FADS3: variants seen among roughly 807,000 people sequenced by gnomAD.
FADS3 encodes fatty acid desaturase 3, also known as cytochrome b5-related protein.
FADS3 carries 30 observed loss-of-function variants against 60.4 expected under a neutral mutation model. The ratio of observed to expected loss-of-function variants is 0.50; its 90% confidence interval spans 0.37 to 0.67. The LOEUF is 0.67. Ranked by LOEUF, FADS3 falls within the 30% of genes least tolerant of loss-of-function variation. The pLI, the probability that FADS3 is intolerant of heterozygous loss-of-function variation, is 0.00. For synonymous variants in FADS3, 234 were observed against 249.3 expected (o/e 0.94, Z 0.58); for missense variants, 432 against 598.3 (o/e 0.72, Z 2.90).
chr11:61,891,902 G>A (rs1166583221), upstream of FADS3: 1 of 152,296 alleles, frequency 6.6e-6, no homozygotes, highest in Non-Finnish European at 1.5e-5. Context: ...TCGGGAACCG[G>A]AGGCGGAGTC....
Position 61,877,852 on chromosome 11 carries a change from C to A in FADS3, c.809-265G>T, listed in dbSNP as rs1447407987. On this transcript the variant is annotated intron_variant, in intron 6 of 11. Coordinates refer to ENST00000278829, the MANE Select transcript of FADS3 (RefSeq NM_021727.5). The surrounding 1 kb of genome is among the most constrained non-coding windows in gnomAD (Gnocchi z 4.7). Reference sequence around the variant, plus strand: ...GTCCGCCCCAACAACTGCCCAAAGACTCTAGGGCTCCGGACCACTCTAGTG... The same window carrying A: ...GTCCGCCCCAACAACTGCCCAAAGAATCTAGGGCTCCGGACCACTCTAGTG... 5 of 594,960 alleles carry A rather than the reference C, an allele frequency of 8.4e-6. No homozygotes were observed. The African/African-American group carries it at 9.3e-5, about 11-fold the overall frequency. The allele number at this position is 594,960 out of a possible 1,614,324, so 36.9% of individuals were successfully genotyped here.
At chr11:61,879,950 G>A in intron 2 of FADS3, 91 bp downstream of exon 2, 1 of 1,043,668 alleles carries the variant, frequency 9.6e-7, no homozygotes, top group Non-Finnish European at 1.4e-6. Context: ...GAATGCCGAG[G>A]GAGCTGCTCC....
At chr11:61,890,710 A>G (rs1938474592) in intron 1 of FADS3, among the ~76,000 whole-genome samples, 1 of 152,080 alleles carries the variant, frequency 6.6e-6, no homozygotes, top group African/African-American at 2.4e-5. Context: ...TGAGCCCTTT[A>G]CAGAAGCTCT....
At chr11:61,889,517 C>T (rs974706529) in intron 1 of FADS3, among the ~76,000 whole-genome samples, 4 of 152,226 alleles carry the variant, frequency 2.6e-5, no homozygotes, top group Middle Eastern at 3.4e-3. Context: ...CGTGGTGGCG[C>T]GTGCCCGTAA....
intron 1 of FADS3, 54 bp downstream of exon 1, chr11:61,891,115 G>T: frequency 1.4e-6 from 2 of 1,451,958 alleles, no homozygotes; most frequent in South Asian, 2.4e-5. Context: ...TCACGCCCAC[G>T]ACCGAGCTCC....
chr11:61,884,555 C>T (rs1036294161), intron 1 of FADS3, among the ~76,000 whole-genome samples: 1 of 152,172 alleles, frequency 6.6e-6, no homozygotes, highest in Non-Finnish European at 1.5e-5. Flanking sequence ...AGGTGGTGTG[C>T]GGGGGTCCTT....
chr11:61,877,815 A>G lies in FADS3; in HGVS notation c.809-228T>C. On this transcript the variant is annotated intron_variant, in intron 6 of 11. Transcript: ENST00000278829. This position sits in a 1 kb window ranked among gnomAD's most constrained non-coding sequence, Gnocchi z 4.7. ...TCACCGCAAGTCAGGGCCAGACTTGAGTCCTCACTCTGTCCGCCCCAACAA... is the reference window on the plus strand; with the variant it reads ...TCACCGCAAGTCAGGGCCAGACTTGGGTCCTCACTCTGTCCGCCCCAACAA... The G allele has an allele frequency of 1.7e-6, 1 of 600,146 alleles. No individual in the cohort carries two copies. Among genetic ancestry groups the G allele is most frequent in the Non-Finnish European group, 3.0e-6 (1 of 335,894 alleles). The allele number at this position is 600,146 out of a possible 1,614,324, so 37.2% of individuals were successfully genotyped here.
At chr11:61,873,965 A>G (rs565674086) in intron 11 of FADS3, 100 bp from the exon 12 acceptor site, 1 of 752,850 alleles carries the variant, frequency 1.3e-6, no homozygotes, top group African/African-American at 1.8e-5. Context: ...GGAGATCCCC[A>G]TTCCCTGTGG....
intron 1 of FADS3, among the ~76,000 whole-genome samples, chr11:61,888,870 C>G (rs2106695): frequency 6.6e-6 from 1 of 152,156 alleles, no homozygotes; most frequent in African/African-American, 2.4e-5. Context: ...AGAGCTGGCA[C>G]CCGGCCCCAA....
At chr11:61,879,250 G>C in intron 3 of FADS3, 62 bp downstream of exon 3, 1 of 1,417,194 alleles carries the variant, frequency 7.1e-7, no homozygotes, top group Non-Finnish European at 9.7e-7. Flanking sequence ...ACAATGCCCA[G>C]ATGCATGGGG....
intron 1 of FADS3, among the ~76,000 whole-genome samples, chr11:61,889,106 A>T (rs141866786): frequency 0.027 from 4,078 of 151,944 alleles, 214 homozygotes; most frequent in African/African-American, 0.095. Flanking sequence ...CATGTTGGTC[A>T]GGCTGGTCTC....
intron 5 of FADS3, 124 bp from the exon 6 acceptor site, chr11:61,878,339 G>A: frequency 7.3e-7 from 1 of 1,364,754 alleles, no homozygotes; most frequent in East Asian, 2.3e-5. Context: ...AAGCGGGCTG[G>A]TCGTCCCCAG....
intron 1 of FADS3, chr11:61,880,381 C>T (rs1938085586): frequency 1.0e-5 from 4 of 382,986 alleles, no homozygotes; most frequent in Non-Finnish European, 1.9e-5. Context: ...TCCACTTCAC[C>T]CAGCACAAGG....
Position 61,891,376 on chromosome 11 carries a change from G to A in FADS3, c.6C>T (p.Gly2=). M[G]GVGEPGPREG... is the part of the protein sequence containing the mutation. ...CCCGCGGTCCCGGCTCCCCGACGCCGCCCATGCTGCACGCACGAGTCCTGG... is the reference window on the plus strand; with the variant it reads ...CCCGCGGTCCCGGCTCCCCGACGCCACCCATGCTGCACGCACGAGTCCTGG... Residue 2 remains glycine (G), a synonymous_variant, in exon 1 of 12, where the codon GGC becomes GGT. Coordinates refer to ENST00000278829, the MANE Select transcript of FADS3 (RefSeq NM_021727.5). 6.8e-7 allele frequency: 1 copy of A among 1,470,288 alleles called. No homozygotes were observed. The highest frequency in any genetic ancestry group is 9.0e-7 in the Non-Finnish European group (1 of 1,116,044). The allele number at this position is 1,470,288 out of a possible 1,614,324, so 91.1% of individuals were successfully genotyped here.
intron 1 of FADS3, among the ~76,000 whole-genome samples, chr11:61,885,547 G>A (rs1178320622): frequency 6.6e-6 from 1 of 152,214 alleles, no homozygotes; most frequent in Non-Finnish European, 1.5e-5. Context: ...AGGTGTCAGG[G>A]AAGAGAGTGG....
intron 3 of FADS3, 119 bp downstream of exon 3, chr11:61,879,193 C>A: frequency 1.1e-6 from 1 of 901,956 alleles, no homozygotes; most frequent in South Asian, 1.6e-5. Flanking sequence ...GTTTATTCAT[C>A]CATTCATCCT....
rs1439294965 is a variant in FADS3, at chr11:61,876,966, G to A, written c.886-3C>T. On this transcript the variant is annotated splice_region_variant and splice_polypyrimidine_tract_variant and intron_variant, in intron 7 of 11. Coordinates refer to ENST00000278829, the MANE Select transcript of FADS3 (RefSeq NM_021727.5). The surrounding 1 kb of genome is among the most constrained non-coding windows in gnomAD (Gnocchi z 5.7). ...AAGCTGGCGGCCCAGAGCAAATCCTGCAGAGGAGGGCAGAGGCGATACCGA... is the reference window on the plus strand; with the variant it reads ...AAGCTGGCGGCCCAGAGCAAATCCTACAGAGGAGGGCAGAGGCGATACCGA... 1 of 1,580,460 alleles carries A rather than the reference G, an allele frequency of 6.3e-7. No homozygotes were observed. The highest frequency in any genetic ancestry group is 1.2e-5 in the South Asian group (1 of 86,778).
intron 2 of FADS3, 114 bp downstream of exon 2, chr11:61,879,927 C>G (rs1938064646): frequency 1.2e-6 from 1 of 810,702 alleles, no homozygotes; most frequent in Non-Finnish European, 1.9e-6. Context: ...CCTGGCTCTG[C>G]ATCCCCTTGG....
intron 1 of FADS3, chr11:61,881,750 C>G (rs1412902001): frequency 6.6e-6 from 1 of 152,194 alleles, no homozygotes; most frequent in Non-Finnish European, 1.5e-5. Flanking sequence ...CCCTCCAGCA[C>G]CCACTAAGAG....
Sources: gnomAD v4.1 joint callset for allele counts (sites outside exome capture counted in the v4.1 genomes callset) on GRCh38, gnomAD v4.1.1 for gene constraint, Gnocchi (gnomAD v3.1) non-coding constraint, MANE v1.5 for transcripts, NCBI Gene and HGNC (gene_info 2026-07-23, HGNC 2026-07-21) for gene names.